HMCN1: variants seen among roughly 807,000 people sequenced by gnomAD.
HMCN1 encodes the protein hemicentin 1, also known as hemicentin-1.
A neutral mutation model predicts 625.9 loss-of-function variants in HMCN1; 321 were observed. That is an observed-to-expected ratio of 0.51 (90% CI 0.47 to 0.56). The LOEUF (loss-of-function observed/expected upper bound fraction) is 0.56, where lower values mean the gene tolerates loss of function less well. Ranked by LOEUF, HMCN1 falls within the 20% of genes least tolerant of loss-of-function variation. The pLI, the probability that HMCN1 is intolerant of heterozygous loss-of-function variation, is 0.00. For missense variants in HMCN1, 6,588 were observed against 6,887.3 expected (o/e 0.96, Z 1.54); for synonymous variants, 2,425 against 2,417.6 (o/e 1.00, Z -0.09).
At position 186,120,110 on chromosome 1, in the gene HMCN1, G is replaced by C. The variant is rs780743465; in HGVS notation, c.12194G>C (p.Gly4065Ala). The C allele has an allele frequency of 1.2e-6, 2 of 1,613,816 alleles. No homozygotes were observed. Among genetic ancestry groups the C allele is most frequent in the Admixed American group, 3.3e-5 (2 of 59,964 alleles). The stretch of plus-strand genomic sequence containing the variant: ...ATGTGTGTGGCCCAGAACCCGGCTG[G>C]TACAGCCTTGGGCAAAATCAAGTTA... Reference protein sequence around the residue: ...TYMCVAQNPAGTALGKIKLNV... With the variant: ...TYMCVAQNPAATALGKIKLNV... The change falls in exon 80 of 107, where the codon GGT becomes GCT. Residue 4065 changes from glycine (G) to alanine (A), a missense_variant. Coordinates refer to ENST00000271588, the MANE Select transcript of HMCN1 (RefSeq NM_031935.3).
chr1:186,144,867 C>G (rs1650214754), intron 91 of HMCN1, among the ~76,000 whole-genome samples, 164 bp downstream of exon 91: 1 of 152,188 alleles, frequency 6.6e-6, no homozygotes, highest in Non-Finnish European at 1.5e-5. Flanking sequence ...CCCTAGATGT[C>G]TTCGATTCAT....
At chr1:186,079,177 C>T (rs1423058905) in intron 55 of HMCN1, among the ~76,000 whole-genome samples, 1 of 152,096 alleles carries the variant, frequency 6.6e-6, no homozygotes, top group East Asian at 1.9e-4. Context: ...TACACTGTCC[C>T]CCTTTATCTT....
chr1:185,844,627 C>G (rs969118348), intron 1 of HMCN1, among the ~76,000 whole-genome samples: 1 of 152,206 alleles, frequency 6.6e-6, no homozygotes, highest in South Asian at 2.1e-4. Flanking sequence ...TGTAGTTGCA[C>G]GTTATAGTTT....
chr1:186,187,034 A>ACG (rs1351017559), intron 105 of HMCN1, among the ~76,000 whole-genome samples: 2 of 146,172 alleles, frequency 1.4e-5, no homozygotes, highest in African/African-American at 5.0e-5. Context: ...ACACACACAC[A>ACG]CACGCATGCA....
intron 69 of HMCN1, among the ~76,000 whole-genome samples, chr1:186,104,535 C>T (rs997462708): frequency 6.6e-6 from 1 of 152,166 alleles, no homozygotes; most frequent in Non-Finnish European, 1.5e-5. Flanking sequence ...GAGTTATAAA[C>T]TCTCTACTAT....
At chr1:186,024,965 A>G (rs1654965517) in intron 36 of HMCN1, among the ~76,000 whole-genome samples, 1 of 152,108 alleles carries the variant, frequency 6.6e-6, no homozygotes, top group African/African-American at 2.4e-5. Context: ...TTATTATTAC[A>G]TTGTAATATA....
Position 185,933,872 on chromosome 1 carries a change from A to G in HMCN1, c.1828+48A>G, listed in dbSNP as rs200810437. 32 of 1,572,056 alleles carry G rather than the reference A, an allele frequency of 2.0e-5. No homozygotes were observed. In the African/African-American group the frequency reaches 3.2e-4, roughly 16 times the overall value. On this transcript the variant is annotated intron_variant, in intron 11 of 106. Coordinates refer to ENST00000271588, the MANE Select transcript of HMCN1 (RefSeq NM_031935.3). The stretch of plus-strand genomic sequence containing the variant: ...GAATTATGACATCTTTCTGTCCTCT[A>G]TTTTTAAAATTTTTGTCCTCCCAAG...
intron 1 of HMCN1, among the ~76,000 whole-genome samples, chr1:185,797,407 C>T (rs1336829053): frequency 1.3e-5 from 2 of 152,188 alleles, no homozygotes; most frequent in African/African-American, 2.4e-5. Context: ...TAGGCTTAAG[C>T]AGTCTTTCTG....
Position 186,055,463 on chromosome 1 carries a change from C to G in HMCN1, c.6933C>G (p.Ser2311=), listed in dbSNP as rs752504748. 2 of 1,612,614 alleles carry G rather than the reference C, an allele frequency of 1.2e-6. No homozygotes were observed. Among genetic ancestry groups the G allele is most frequent in the Non-Finnish European group, 1.7e-6 (2 of 1,179,230 alleles). Residue 2311 remains serine (S), a synonymous_variant, in exon 45 of 107, where the codon TCC becomes TCG. Transcript: ENST00000271588. ...EIIVTRGKSI[S]LECEVQGIPP... ...TTGTGACCCGAGGGAAGAGTATCTC[C>G]TTGGAGTGTGAGGTGCAGGGTATTC...
chr1:185,797,108 A>G (rs1658441907), intron 1 of HMCN1, among the ~76,000 whole-genome samples: 1 of 152,168 alleles, frequency 6.6e-6, no homozygotes, highest in Non-Finnish European at 1.5e-5. Context: ...GATGTTAAGC[A>G]TCTTTTCATG....
chr1:185,750,065 A>C (rs1475405181), intron 1 of HMCN1, among the ~76,000 whole-genome samples: 1 of 152,196 alleles, frequency 6.6e-6, no homozygotes, highest in Non-Finnish European at 1.5e-5. Flanking sequence ...TTTTCTTTAT[A>C]GAATTTAGCA....
chr1:186,048,744 T>C lies in HMCN1; in HGVS notation c.6482T>C (p.Ile2161Thr). The C allele has an allele frequency of 6.3e-7, 1 of 1,594,930 alleles. No individual in the cohort carries two copies. The highest frequency in any genetic ancestry group is 1.7e-5 in the Admixed American group (1 of 59,910). Reference protein sequence around the residue: ...SISENRSVLKIEDAQVQDTGR... With the variant: ...SISENRSVLKTEDAQVQDTGR... ...TTCAAAGGATGATTTTGTTTTCAGATTGAAGATGCTCAGGTTCAAGACACT... is the reference window on the plus strand; with the variant it reads ...TTCAAAGGATGATTTTGTTTTCAGACTGAAGATGCTCAGGTTCAAGACACT... The change falls in exon 42 of 107, where the codon ATT becomes ACT. Residue 2161 changes from isoleucine (I) to threonine (T), a missense_variant and splice_region_variant. Physicochemically the swap from Ile to Thr is moderately conservative, Grantham distance 89. Coordinates refer to ENST00000271588, the MANE Select transcript of HMCN1 (RefSeq NM_031935.3).
intron 1 of HMCN1, among the ~76,000 whole-genome samples, chr1:185,750,663 C>T (rs978252912): frequency 6.6e-6 from 1 of 151,896 alleles, no homozygotes; most frequent in African/African-American, 2.4e-5. Context: ...AATACTTTTT[C>T]CCTTCCTTTA....
chr1:186,120,715 A>G (rs957274596), intron 80 of HMCN1, among the ~76,000 whole-genome samples: 2 of 152,206 alleles, frequency 1.3e-5, no homozygotes, highest in African/African-American at 4.8e-5. Context: ...TAATTTTCCT[A>G]TGGTAGATTC....
At chr1:185,740,205 G>A (rs138008943) in intron 1 of HMCN1, among the ~76,000 whole-genome samples, 171 of 152,270 alleles carry the variant, frequency 1.1e-3, no homozygotes, top group African/African-American at 3.4e-3. Context: ...TAGAAGTGAC[G>A]TGATCTGACT....
intron 68 of HMCN1, among the ~76,000 whole-genome samples, chr1:186,097,378 G>A (rs1026620530): frequency 6.6e-6 from 1 of 151,998 alleles, no homozygotes. Context: ...TGCAGATACC[G>A]AGGGCCAACT....
intron 102 of HMCN1, among the ~76,000 whole-genome samples, chr1:186,172,625 G>A (rs1195222492): frequency 6.6e-6 from 1 of 152,102 alleles, no homozygotes; most frequent in Non-Finnish European, 1.5e-5. Flanking sequence ...AGACACAAAG[G>A]TACATTATAG....
intron 6 of HMCN1, among the ~76,000 whole-genome samples, chr1:185,913,769 T>A (rs927427202): frequency 1.3e-5 from 2 of 152,188 alleles, no homozygotes; most frequent in African/African-American, 4.8e-5. Context: ...CACACAAATA[T>A]TCATTCAGTC....
rs765148750 is a variant in HMCN1 at position 186,115,387 on chromosome 1, A to G, written c.11534A>G (p.Asn3845Ser). The change falls in exon 75 of 107, where the codon AAT (asparagine) becomes AGT (serine). Residue 3845 changes from asparagine to serine, a missense_variant. Asn to Ser is a conservative substitution (Grantham distance 46). This residue lies in a region of HMCN1 where 4,628 missense variants were observed against 4,853.1 expected (regional missense o/e 0.95). Coordinates refer to ENST00000271588, the MANE Select transcript of HMCN1 (RefSeq NM_031935.3). ...INWRKNGHLL[N>S]VDQNQNSYRL... The stretch of plus-strand genomic sequence containing the variant: ...TGGAGAAAAAATGGGCATCTTCTTA[A>G]TGTGGATCAAAATCAGAACTCATAC... 2 of 1,613,768 alleles carry G rather than the reference A, an allele frequency of 1.2e-6. No individual in the cohort carries two copies. Among genetic ancestry groups the G allele is most frequent in the Non-Finnish European group, 8.5e-7 (1 of 1,179,896 alleles).
Sources: allele counts gnomAD v4.1 joint callset (sites outside exome capture counted in the v4.1 genomes callset), GRCh38; gene constraint gnomAD v4.1.1; regional missense constraint gnomAD v4.1.1; transcripts MANE v1.5; gene names NCBI Gene and HGNC (gene_info 2026-07-23, HGNC 2026-07-21).